The following FILIP1 variants were observed in gnomAD, a reference collection of about 807,000 sequenced individuals.
The protein encoded by FILIP1 is filamin A interacting protein 1.
In FILIP1, 61 loss-of-function variants were observed where a neutral mutation model predicts 102.1. That is an observed-to-expected ratio of 0.60 (90% CI 0.49 to 0.74). The LOEUF (loss-of-function observed/expected upper bound fraction) is 0.74. Ranked by LOEUF, FILIP1 falls within the 30% of genes least tolerant of loss-of-function variation. FILIP1 has a pLI of 0.00. For missense variants in FILIP1, 1,314 were observed against 1,441.2 expected (o/e 0.91, Z 1.43); for synonymous variants, 491 against 526.9 (o/e 0.93, Z 0.93).
At chr6:75,326,124 TATACAC>T (rs1405386312) in intron 4 of FILIP1, among the ~76,000 whole-genome samples, 1 of 139,614 alleles carries the variant, frequency 7.2e-6, no homozygotes, top group East Asian at 2.0e-4. Flanking sequence ...GATAGATAGA[TATACAC>T]ACACACACAC....
intron 4 of FILIP1, among the ~76,000 whole-genome samples, chr6:75,349,140 A>G (rs1476804536): frequency 1.3e-5 from 2 of 152,220 alleles, no homozygotes; most frequent in African/African-American, 4.8e-5. Flanking sequence ...AAAATCTTTT[A>G]CAATATTCAG....
exon 7 of FILIP1, chr6:75,292,390 A>C (rs1372139312): frequency 1.3e-5 from 2 of 152,216 alleles, no homozygotes; most frequent in Non-Finnish European, 2.9e-5. Context: ...CAACACCGGA[A>C]AGCAAATGTA....
intron 1 of FILIP1, among the ~76,000 whole-genome samples, chr6:75,421,778 C>T (rs1348434341): frequency 1.3e-5 from 2 of 152,076 alleles, no homozygotes; most frequent in South Asian, 2.1e-4. Flanking sequence ...ATAAGAATAG[C>T]GTTTCTATTT....
chr6:75,297,812 T>A (rs1035978374), intron 6 of FILIP1, among the ~76,000 whole-genome samples: 2 of 152,226 alleles, frequency 1.3e-5, no homozygotes, highest in African/African-American at 4.8e-5. Context: ...TTCCTTCCCT[T>A]AAGAAAGCAT....
chr6:75,394,417 A>C (rs1287981103), intron 2 of FILIP1, among the ~76,000 whole-genome samples: 1 of 152,174 alleles, frequency 6.6e-6, no homozygotes, highest in East Asian at 1.9e-4. Flanking sequence ...AGAAGCCATA[A>C]AACAAAAATT....
chr6:75,488,588 C>G (rs1310364112), intron 1 of FILIP1, among the ~76,000 whole-genome samples: 1 of 151,876 alleles, frequency 6.6e-6, no homozygotes, highest in Admixed American at 6.6e-5. Context: ...TCCTACCTTC[C>G]TTTGTTTCTT....
intron 2 of FILIP1, among the ~76,000 whole-genome samples, chr6:75,368,015 T>G (rs1166081848): frequency 6.6e-6 from 1 of 152,214 alleles, no homozygotes; most frequent in Non-Finnish European, 1.5e-5. Flanking sequence ...AAGAATGCTT[T>G]GAAGACGACT....
At position 75,488,443 on chromosome 6, in the gene FILIP1, G is replaced by GAA. The variant is rs199851121; in HGVS notation, c.-7+4969_-7+4970dup. Among the ~76,000 whole-genome samples the GAA allele has an allele frequency of 7.4e-5, 10 of 135,872 alleles. No homozygotes were observed. In the South Asian group the frequency reaches 1.2e-3, roughly 16 times the overall value. 89.1% of individuals were successfully genotyped at this position (135,872 alleles called of 152,430 possible). On this transcript the variant is annotated intron_variant, in intron 1 of 5. Transcript: ENST00000237172. ...GCTAAAACATAGACTGACCATTTAA[G>GAA]AAAAAAAAAAAAACATAATCCAATA...
chr6:75,391,430 C>A (rs900942469), intron 2 of FILIP1, among the ~76,000 whole-genome samples: 1 of 152,132 alleles, frequency 6.6e-6, no homozygotes, highest in Non-Finnish European at 1.5e-5. Flanking sequence ...TTCATAACTT[C>A]TTCTGCCTTA....
intron 1 of FILIP1, among the ~76,000 whole-genome samples, chr6:75,461,525 A>T (rs4311480): frequency 1.3e-5 from 2 of 152,128 alleles, no homozygotes; most frequent in Admixed American, 1.3e-4. Context: ...AGAAAAAAAC[A>T]AAGTCCATTG....
intron 1 of FILIP1, among the ~76,000 whole-genome samples, chr6:75,464,444 T>G (rs919463532): frequency 5.3e-5 from 8 of 152,202 alleles, no homozygotes; most frequent in African/African-American, 1.9e-4. Context: ...TAAACATCAA[T>G]GTATGCAGGA....
chr6:75,452,593 A>G (rs1194348341), intron 1 of FILIP1, among the ~76,000 whole-genome samples: 2 of 152,344 alleles, frequency 1.3e-5, no homozygotes, highest in East Asian at 1.9e-4. Context: ...TAGATGACCC[A>G]TAATGAGGGA....
intron 2 of FILIP1, among the ~76,000 whole-genome samples, chr6:75,369,916 G>A (rs1322629771): frequency 1.3e-5 from 2 of 152,318 alleles, no homozygotes; most frequent in East Asian, 1.9e-4. Context: ...CCACTCACTT[G>A]GCTGAGAGGA....
chr6:75,445,155 C>T (rs1778404425), intron 1 of FILIP1, among the ~76,000 whole-genome samples: 1 of 152,102 alleles, frequency 6.6e-6, no homozygotes, highest in Non-Finnish European at 1.5e-5. Context: ...CCCTCCAACT[C>T]ATACACTTCA....
At chr6:75,354,355 G>A (rs566646092) in intron 3 of FILIP1, among the ~76,000 whole-genome samples, 24 of 152,104 alleles carry the variant, frequency 1.6e-4, no homozygotes, top group Admixed American at 3.3e-4. Flanking sequence ...GGCAGATCAC[G>A]AGGTCAGGAG....
intron 1 of FILIP1, among the ~76,000 whole-genome samples, chr6:75,420,498 T>A (rs1777423607): frequency 6.6e-6 from 1 of 152,120 alleles, no homozygotes; most frequent in Non-Finnish European, 1.5e-5. Context: ...GTAGCTGTCC[T>A]CTACTTTCCA....
intron 2 of FILIP1, among the ~76,000 whole-genome samples, chr6:75,401,016 T>A (rs968264915): frequency 1.5e-4 from 23 of 149,220 alleles, no homozygotes; most frequent in South Asian, 4.2e-4. Flanking sequence ...GTGTCCTTTT[T>A]AAAAAAAAAA....
chr6:75,408,071 G>C (rs1445269800), intron 2 of FILIP1, among the ~76,000 whole-genome samples: 1 of 152,130 alleles, frequency 6.6e-6, no homozygotes, highest in Non-Finnish European at 1.5e-5. Context: ...TGATGGGCCG[G>C]GGTACTATTT....
chr6:75,459,845 G>C (rs1778965015), intron 1 of FILIP1, among the ~76,000 whole-genome samples: 1 of 152,118 alleles, frequency 6.6e-6, no homozygotes, highest in Non-Finnish European at 1.5e-5. Flanking sequence ...TCAGAATCTT[G>C]AAGTCATTTC....
Sources: gnomAD v4.1 joint callset for allele counts (sites outside exome capture counted in the v4.1 genomes callset) on GRCh38, gnomAD v4.1.1 for gene constraint, MANE v1.5 for transcripts, NCBI Gene and HGNC (gene_info 2026-07-23, HGNC 2026-07-21) for gene names.